ABCA12: variants seen among roughly 807,000 people sequenced by gnomAD.
The protein encoded by ABCA12 is glucosylceramide transporter ABCA12.
A neutral mutation model predicts 293.5 loss-of-function variants in ABCA12; 156 were observed. That is an observed-to-expected ratio of 0.53 (90% CI 0.47 to 0.61). The LOEUF (loss-of-function observed/expected upper bound fraction) is 0.61, where lower values mean the gene tolerates loss of function less well. ABCA12 is among the 20% of genes least tolerant of loss of function. ABCA12 has a pLI of 0.00. For missense variants in ABCA12, 2,797 were observed against 3,090.2 expected (o/e 0.91, Z 2.25); for synonymous variants, 1,063 against 1,108.0 (o/e 0.96, Z 0.81).
At chr2:215,009,867 C>T (rs1161834396) in intron 18 of ABCA12, among the ~76,000 whole-genome samples, 2 of 152,068 alleles carry the variant, frequency 1.3e-5, no homozygotes, top group Non-Finnish European at 2.9e-5. Flanking sequence ...TTGTCTTATT[C>T]GACATCTATC....
intron 13 of ABCA12, among the ~76,000 whole-genome samples, chr2:215,018,492 T>C (rs1041612639): frequency 6.6e-6 from 1 of 152,178 alleles, no homozygotes; most frequent in African/African-American, 2.4e-5. Flanking sequence ...ATTCAATATG[T>C]TTTTTTAATC....
At chr2:215,013,292 C>G (rs1700415262) in intron 15 of ABCA12, 1 of 152,102 alleles carries the variant, frequency 6.6e-6, no homozygotes, top group East Asian at 1.9e-4. Flanking sequence ...AAGAACATAC[C>G]ATTGGAAGAA....
intron 1 of ABCA12, among the ~76,000 whole-genome samples, chr2:215,129,742 C>A (rs1294816329): frequency 6.6e-6 from 1 of 151,872 alleles, no homozygotes; most frequent in African/African-American, 2.4e-5. Context: ...TGATTAAGTC[C>A]CATTTGTCTA....
At chr2:215,130,040 A>T (rs1703018744) in intron 1 of ABCA12, among the ~76,000 whole-genome samples, 1 of 152,064 alleles carries the variant, frequency 6.6e-6, no homozygotes, top group Admixed American at 6.6e-5. Flanking sequence ...AGATGTAGGT[A>T]TGTGGCTTTA....
chr2:215,096,125 G>A (rs1280775452), intron 2 of ABCA12, among the ~76,000 whole-genome samples: 1 of 152,192 alleles, frequency 6.6e-6, no homozygotes, highest in East Asian at 1.9e-4. Flanking sequence ...CCTACTCATA[G>A]TAATCTTTTA....
chr2:215,043,800 C>T (rs1020815570), intron 7 of ABCA12, among the ~76,000 whole-genome samples: 2 of 152,018 alleles, frequency 1.3e-5, no homozygotes, highest in African/African-American at 4.8e-5. Flanking sequence ...ACATTTCAAT[C>T]ACCCCAGAAA....
intron 2 of ABCA12, among the ~76,000 whole-genome samples, chr2:215,100,290 T>C (rs1702331015): frequency 1.3e-5 from 2 of 152,220 alleles, no homozygotes; most frequent in Admixed American, 1.3e-4. Context: ...CTTTAGCCAG[T>C]TAAGCCTGAG....
intron 28 of ABCA12, 91 bp from the exon 29 acceptor site, chr2:214,983,956 A>AT (rs79840575): frequency 1.8e-6 from 2 of 1,104,116 alleles, no homozygotes; most frequent in South Asian, 2.7e-5. Flanking sequence ...GAAGGAAAAA[A>AT]TACAGTGTAT....
intron 17 of ABCA12, among the ~76,000 whole-genome samples, chr2:215,010,779 GA>G: frequency 6.6e-6 from 1 of 152,090 alleles, no homozygotes; most frequent in South Asian, 2.1e-4. Flanking sequence ...ATTTACCTTT[GA>G]AAAAAATACA....
At chr2:215,123,601 T>G (rs555209690) in intron 1 of ABCA12, among the ~76,000 whole-genome samples, 2 of 152,208 alleles carry the variant, frequency 1.3e-5, no homozygotes, top group African/African-American at 2.4e-5. Context: ...AGTAGTGAGA[T>G]TGCTGATTCA....
chr2:215,033,405 T>C (rs1286578729), intron 8 of ABCA12, among the ~76,000 whole-genome samples: 2 of 152,324 alleles, frequency 1.3e-5, no homozygotes, highest in Admixed American at 6.5e-5. Context: ...TATGTGGTTA[T>C]AGAGTTTCTC....
Position 214,974,974 on chromosome 2 carries a change from C to CT in ABCA12, c.5382-111dup. 3.0e-6 allele frequency: 3 copies of CT among 1,015,994 alleles called. No individual in the cohort carries two copies. The South Asian group carries it at 4.0e-5, about 13-fold the overall frequency. The allele number at this position is 1,015,994 out of a possible 1,614,324, so 62.9% of individuals were successfully genotyped here. A position where few individuals can be genotyped will look rare whatever the true frequency, so the allele number is the denominator to read the frequency against. Reference sequence around the variant, plus strand: ...CTGTATATAGAAGGGTTTTCTTTTTCTTTTTTGAGACAGAGTCTTGCCGTG... The same window carrying CT: ...CTGTATATAGAAGGGTTTTCTTTTTCTTTTTTTGAGACAGAGTCTTGCCGTG... On this transcript the variant is annotated intron_variant, in intron 34 of 52. Transcript: ENST00000272895.
At chr2:215,011,858 A>G (rs1406827317) in intron 16 of ABCA12, 113 bp downstream of exon 16, 1 of 1,170,072 alleles carries the variant, frequency 8.5e-7, no homozygotes, top group East Asian at 2.4e-5. Context: ...GTTTTCTTGT[A>G]GGTGTTGTTT....
At chr2:214,965,641 C>T (rs564836254) in intron 39 of ABCA12, among the ~76,000 whole-genome samples, 1 of 152,186 alleles carries the variant, frequency 6.6e-6, no homozygotes, top group East Asian at 1.9e-4. Flanking sequence ...AGCTCAACAT[C>T]ACTCATCATT....
chr2:215,026,994 G>T, intron 9 of ABCA12, 56 bp from the exon 10 acceptor site: 1 of 1,273,570 alleles, frequency 7.9e-7, no homozygotes, highest in Non-Finnish European at 1.1e-6. Flanking sequence ...AAGCAAAGCC[G>T]TTTTGTTGAG....
chr2:214,966,983 A>T, intron 38 of ABCA12, 30 bp from the exon 39 acceptor site: 1 of 1,547,492 alleles, frequency 6.5e-7, no homozygotes, highest in Non-Finnish European at 8.9e-7. Context: ...GGCAAGATCA[A>T]TATTGCATTC....
At chr2:215,083,519 G>A (rs1165128905) in intron 2 of ABCA12, among the ~76,000 whole-genome samples, 1 of 152,084 alleles carries the variant, frequency 6.6e-6, no homozygotes, top group Non-Finnish European at 1.5e-5. Context: ...TTACGTCAAA[G>A]TCTCTATACA....
At chr2:215,108,677 C>T (rs1374794252) in intron 2 of ABCA12, among the ~76,000 whole-genome samples, 1 of 152,084 alleles carries the variant, frequency 6.6e-6, no homozygotes. Context: ...GCATAAAAGA[C>T]ATACATGAGA....
chr2:214,959,043 G>T lies in ABCA12; in HGVS notation c.5920C>A (p.Gln1974Lys). 1 of 1,613,828 alleles carries T rather than the reference G, an allele frequency of 6.2e-7. No homozygotes were observed. The highest frequency in any genetic ancestry group is 8.5e-7 in the Non-Finnish European group (1 of 1,179,758). The change falls in exon 40 of 53, where the codon CAA becomes AAA. Residue 1974 changes from glutamine to lysine, a missense_variant. This residue lies in a region of ABCA12 where 2,130 missense variants were observed against 2,427.0 expected (regional missense o/e 0.88). Coordinates refer to ENST00000272895, the MANE Select transcript of ABCA12 (RefSeq NM_173076.3). The stretch of plus-strand genomic sequence containing the variant: ...GCTTACGTGGCTTGTTCTTGGTCTT[G>T]CACTCCTGGATAAGGATGGCTATAC... ...IMYSHPYPGV[Q>K]DQEQATISSL...
Sources: gnomAD v4.1 joint callset for allele counts (sites outside exome capture counted in the v4.1 genomes callset) on GRCh38, gnomAD v4.1.1 for gene constraint, gnomAD v4.1.1 regional missense constraint, MANE v1.5 for transcripts, NCBI Gene and HGNC (gene_info 2026-07-23, HGNC 2026-07-21) for gene names.